FUT9: variants seen among roughly 807,000 people sequenced by gnomAD.
The protein encoded by FUT9 is fucosyltransferase 9.
A neutral mutation model predicts 29.7 loss-of-function variants in FUT9; 15 were observed. The observed-to-expected ratio is 0.51, with a 90% CI of 0.34 to 0.78. The LOEUF (loss-of-function observed/expected upper bound fraction) is 0.78. Among genes scored for constraint, FUT9 ranks in the 30% least tolerant of loss-of-function variants. FUT9 has a pLI of 0.01. For missense variants in FUT9, 319 were observed against 425.4 expected, an observed-to-expected ratio of 0.75 and a Z score of 2.20; for synonymous variants, 169 against 153.7, an observed-to-expected ratio of 1.10 and a Z score of -0.74.
intron 1 of FUT9, among the ~76,000 whole-genome samples, chr6:96,051,677 A>G (rs770763191): frequency 1.5e-4 from 23 of 152,168 alleles, no homozygotes; most frequent in Non-Finnish European, 1.2e-4. Context: ...AATAAATAAA[A>G]CTATAAAATA....
chr6:96,200,879 T>A (rs557160004), intron 2 of FUT9, among the ~76,000 whole-genome samples: 223 of 152,216 alleles, frequency 1.5e-3, no homozygotes, highest in Middle Eastern at 3.4e-3. Flanking sequence ...CAACTAAACT[T>A]CCATAAACGT....
intron 2 of FUT9, among the ~76,000 whole-genome samples, chr6:96,140,791 C>T (rs1432603211): frequency 6.6e-6 from 1 of 152,138 alleles, no homozygotes; most frequent in Non-Finnish European, 1.5e-5. Context: ...CTACTGCATC[C>T]CCCTCATGAC....
chr6:96,132,379 GC>G (rs1309393529), intron 2 of FUT9, among the ~76,000 whole-genome samples: 1 of 151,978 alleles, frequency 6.6e-6, no homozygotes, highest in East Asian at 1.9e-4. Context: ...CAGTGTTTCT[GC>G]CCCCAGTAGA....
chr6:96,181,603 C>G (rs546374510), intron 2 of FUT9, among the ~76,000 whole-genome samples: 1 of 152,024 alleles, frequency 6.6e-6, no homozygotes, highest in South Asian at 2.1e-4. Context: ...CCTGAGTACC[C>G]AAAGTCCATT....
chr6:96,094,219 C>T (rs1041773230), intron 1 of FUT9, among the ~76,000 whole-genome samples: 1 of 152,134 alleles, frequency 6.6e-6, no homozygotes, highest in Non-Finnish European at 1.5e-5. Flanking sequence ...GTGTGCTGTT[C>T]TGAGTAGCAT....
chr6:96,045,004 A>G (rs1770538353), intron 1 of FUT9, among the ~76,000 whole-genome samples: 1 of 152,198 alleles, frequency 6.6e-6, no homozygotes, highest in African/African-American at 2.4e-5. Flanking sequence ...TCGATAAAAT[A>G]TGGGGAGTCA....
intron 2 of FUT9, among the ~76,000 whole-genome samples, chr6:96,122,026 T>C (rs1174270332): frequency 6.6e-6 from 1 of 151,950 alleles, no homozygotes; most frequent in Non-Finnish European, 1.5e-5. Flanking sequence ...TGAGATGCGC[T>C]GGGTAGCCAA....
At chr6:96,101,526 GC>G (rs1170134866) in intron 1 of FUT9, among the ~76,000 whole-genome samples, 6 of 151,570 alleles carry the variant, frequency 4.0e-5, no homozygotes, top group African/African-American at 1.5e-4. Context: ...TCCAGCCTGG[GC>G]AAACAAGAGT....
chr6:96,073,116 A>G (rs1180400293), intron 1 of FUT9, among the ~76,000 whole-genome samples: 2 of 152,160 alleles, frequency 1.3e-5, no homozygotes, highest in Non-Finnish European at 2.9e-5. Context: ...GAGGATGGAA[A>G]TCAGATGTCT....
intron 2 of FUT9, among the ~76,000 whole-genome samples, chr6:96,163,696 T>C (rs986404342): frequency 1.3e-5 from 2 of 152,230 alleles, no homozygotes; most frequent in African/African-American, 4.8e-5. Flanking sequence ...GAATCATTCA[T>C]TGCTCAATTA....
intron 2 of FUT9, among the ~76,000 whole-genome samples, chr6:96,137,972 C>T (rs1382204636): frequency 7.0e-6 from 1 of 143,054 alleles, no homozygotes; most frequent in Non-Finnish European, 1.5e-5. Flanking sequence ...TATGGAACAT[C>T]CCACTTATGA....
At chr6:96,081,054 T>G (rs1771228479) in intron 1 of FUT9, among the ~76,000 whole-genome samples, 1 of 151,874 alleles carries the variant, frequency 6.6e-6, no homozygotes, top group South Asian at 2.1e-4. Flanking sequence ...CTGTCTATTC[T>G]CTCCATCTCC....
At chr6:96,059,125 A>G (rs114394480) in intron 1 of FUT9, among the ~76,000 whole-genome samples, 30 of 152,368 alleles carry the variant, frequency 2.0e-4, no homozygotes, top group African/African-American at 7.2e-4. Flanking sequence ...TTGATATAAA[A>G]TAATCTGTGT....
chr6:96,091,618 G>T (rs1771413102), intron 1 of FUT9, among the ~76,000 whole-genome samples: 1 of 152,094 alleles, frequency 6.6e-6, no homozygotes, highest in Non-Finnish European at 1.5e-5. Context: ...GCTGAGAAAT[G>T]TCATAATACT....
chr6:96,114,780 T>C (rs1771879793), intron 2 of FUT9, among the ~76,000 whole-genome samples: 1 of 152,132 alleles, frequency 6.6e-6, no homozygotes, highest in Non-Finnish European at 1.5e-5. Context: ...AGTTAAGAAA[T>C]ACTACAAAGC....
At chr6:96,155,684 AG>A (rs1391593291) in intron 2 of FUT9, among the ~76,000 whole-genome samples, 421 of 141,116 alleles carry the variant, frequency 3.0e-3, no homozygotes, top group Admixed American at 3.7e-3. Flanking sequence ...AAAAAAAAAA[AG>A]GAAAGAAAGA....
At chr6:96,170,547 C>CACAA (rs2127982858) in intron 2 of FUT9, among the ~76,000 whole-genome samples, 2 of 7,496 alleles carry the variant, frequency 2.7e-4, no homozygotes, top group African/African-American at 4.6e-4. Context: ...AAATCCCTTT[C>CACAA]ACACACACAC....
chr6:96,155,651 C>T (rs7775606), intron 2 of FUT9, among the ~76,000 whole-genome samples: 24,020 of 145,694 alleles, frequency 0.16, 2,128 homozygotes, highest in African/African-American at 0.2. Context: ...CCAGCCTGGG[C>T]GACAGAGTGA....
intron 1 of FUT9, among the ~76,000 whole-genome samples, chr6:96,109,990 G>A (rs1771767228): frequency 6.6e-6 from 1 of 152,128 alleles, no homozygotes; most frequent in South Asian, 2.1e-4. Context: ...GCTTGTTACT[G>A]TCGTGGGACT....
Sources: gnomAD v4.1 joint callset for allele counts (sites outside exome capture counted in the v4.1 genomes callset) on GRCh38, gnomAD v4.1.1 for gene constraint, MANE v1.5 for transcripts, NCBI Gene and HGNC (gene_info 2026-07-23, HGNC 2026-07-21) for gene names.